The following SLC35D4 variants were observed in gnomAD, a reference collection of about 807,000 sequenced individuals.
SLC35D4 encodes the protein solute carrier family 35 member D4, also known as UDP-N-acetylglucosamine transporter SLC35D4.
At chr18:23,271,404 T>C in the SLC35D4 span, among the ~76,000 whole-genome samples, 1 of 152,230 alleles carries the variant, frequency 6.6e-6, no homozygotes, top group African/African-American at 2.4e-5. Context: ...CCTGACACAG[T>C]GCAGTCAGCA....
chr18:23,254,740 A>G, the SLC35D4 span, among the ~76,000 whole-genome samples: 1 of 152,204 alleles, frequency 6.6e-6, no homozygotes, highest in Admixed American at 6.5e-5. Flanking sequence ...AAAAGCAAGC[A>G]CTCTGGTTTC....
chr18:23,276,966 T>C, the SLC35D4 span, among the ~76,000 whole-genome samples: 1 of 152,224 alleles, frequency 6.6e-6, no homozygotes, highest in African/African-American at 2.4e-5. Flanking sequence ...CTACCTGTCA[T>C]CTAGTGCCAT....
At chr18:23,339,638 C>G in the SLC35D4 span, among the ~76,000 whole-genome samples, 3 of 152,202 alleles carry the variant, frequency 2.0e-5, no homozygotes. Flanking sequence ...TAACAAAATT[C>G]TATAGGCTGG....
At chr18:23,330,050 G>C in the SLC35D4 span, among the ~76,000 whole-genome samples, 4 of 152,162 alleles carry the variant, frequency 2.6e-5, no homozygotes, top group African/African-American at 9.7e-5. Context: ...GCCTGTCGGG[G>C]ATGGGAGGCT....
At chr18:23,272,957 G>A in the SLC35D4 span, among the ~76,000 whole-genome samples, 10,591 of 152,136 alleles carry the variant, frequency 0.07, 499 homozygotes, top group African/African-American at 0.14. Context: ...CTTCCAATCT[G>A]GGATAGATTC....
the SLC35D4 span, among the ~76,000 whole-genome samples, chr18:23,289,152 C>T: frequency 1.3e-5 from 2 of 152,208 alleles, no homozygotes. Context: ...ACATGTCCTG[C>T]TCTTGTTTAC....
the SLC35D4 span, among the ~76,000 whole-genome samples, chr18:23,363,925 T>C: frequency 6.6e-6 from 1 of 152,170 alleles, no homozygotes; most frequent in East Asian, 1.9e-4. Flanking sequence ...TTTTGAGAAG[T>C]CATCGTTCAT....
At chr18:23,287,046 C>G in the SLC35D4 span, among the ~76,000 whole-genome samples, 1 of 151,426 alleles carries the variant, frequency 6.6e-6, no homozygotes, top group Non-Finnish European at 1.5e-5. Context: ...ATACCAATAT[C>G]CCATCCCACA....
chr18:23,398,793 A>G, the SLC35D4 span, among the ~76,000 whole-genome samples: 1 of 152,222 alleles, frequency 6.6e-6, no homozygotes, highest in Non-Finnish European at 1.5e-5. Context: ...AGAATTTTAC[A>G]TTAAAAGACT....
At chr18:23,410,156 A>G in the SLC35D4 span, among the ~76,000 whole-genome samples, 3 of 152,174 alleles carry the variant, frequency 2.0e-5, no homozygotes, top group Non-Finnish European at 4.4e-5. Flanking sequence ...TATGTAGGAT[A>G]AATTCCCTGA....
the SLC35D4 span, among the ~76,000 whole-genome samples, chr18:23,305,169 C>T: frequency 1.1e-4 from 17 of 152,196 alleles, no homozygotes; most frequent in African/African-American, 3.9e-4. Flanking sequence ...GTCTACTGGA[C>T]ATTCTTAGTC....
the SLC35D4 span, among the ~76,000 whole-genome samples, chr18:23,333,236 T>C: frequency 6.6e-6 from 1 of 152,148 alleles, no homozygotes; most frequent in Non-Finnish European, 1.5e-5. Context: ...TTCAAATAAT[T>C]AGGACTGATC....
At chr18:23,268,760 TATATTTCCTTTGCATTGTCTGC>T in the SLC35D4 span, among the ~76,000 whole-genome samples, 1 of 152,062 alleles carries the variant, frequency 6.6e-6, no homozygotes, top group Non-Finnish European at 1.5e-5. Flanking sequence ...GGCTGGAGGG[TATATTTCCTTTGCATTGTCTGC>T]CTGCTGTGCG....
the SLC35D4 span, among the ~76,000 whole-genome samples, chr18:23,406,022 T>A: frequency 1.3e-5 from 2 of 152,234 alleles, no homozygotes; most frequent in African/African-American, 2.4e-5. Context: ...TTTGAAGTCA[T>A]TTCTTCAGGA....
At chr18:23,396,750 A>G in the SLC35D4 span, among the ~76,000 whole-genome samples, 1 of 152,072 alleles carries the variant, frequency 6.6e-6, no homozygotes, top group Non-Finnish European at 1.5e-5. Context: ...CCCCATCTCT[A>G]AAAAAAGGCT....
At chr18:23,286,377 T>G in the SLC35D4 span, among the ~76,000 whole-genome samples, 1 of 152,172 alleles carries the variant, frequency 6.6e-6, no homozygotes, top group Non-Finnish European at 1.5e-5. Flanking sequence ...CCTCCTAAGC[T>G]GTGTCCCATC....
At chr18:23,306,742 ATTCCAT>A in the SLC35D4 span, among the ~76,000 whole-genome samples, 1 of 152,308 alleles carries the variant, frequency 6.6e-6, no homozygotes, top group African/African-American at 2.4e-5. Flanking sequence ...TTATAGTGCT[ATTCCAT>A]GGGGGGGAAA....
chr18:23,329,752 C>A, the SLC35D4 span, among the ~76,000 whole-genome samples: 1 of 152,170 alleles, frequency 6.6e-6, no homozygotes, highest in Non-Finnish European at 1.5e-5. Flanking sequence ...AAGACACATG[C>A]ACATGTATGT....
At chr18:23,386,717 C>T in the SLC35D4 span, among the ~76,000 whole-genome samples, 1 of 79,740 alleles carries the variant, frequency 1.3e-5, no homozygotes, top group African/African-American at 4.7e-5. Context: ...TGGATAAACT[C>T]TCACCAAAAA....
Sources: gnomAD v4.1 joint callset for allele counts (sites outside exome capture counted in the v4.1 genomes callset) on GRCh38, gnomAD v4.1.1 for gene constraint, MANE v1.5 for transcripts, NCBI Gene and HGNC (gene_info 2026-07-23, HGNC 2026-07-21) for gene names.